The following ENPEP variants were observed in gnomAD, a reference collection of about 807,000 sequenced individuals.
ENPEP encodes AP-A.
ENPEP carries 103 observed loss-of-function variants against 114.5 expected under a neutral mutation model. That is an observed-to-expected ratio of 0.90 (90% confidence interval 0.77 to 1.06). The LOEUF is 1.06. Among genes scored for constraint, ENPEP ranks in the 50% least tolerant of loss-of-function variants. The pLI, the probability that ENPEP is intolerant of heterozygous loss-of-function variation, is 0.00. For missense variants in ENPEP, 1,196 were observed against 1,161.3 expected, an observed-to-expected ratio of 1.03 and a Z score of -0.43; for synonymous variants, 420 against 422.0, an observed-to-expected ratio of 1.00 and a Z score of 0.06.
At position 110,476,181 on chromosome 4, in the gene ENPEP, C is replaced by T. The variant is rs1578386206; in HGVS notation, c.-234C>T. 1.5e-5 allele frequency: 7 copies of T among 467,368 alleles called. No individual in the cohort carries two copies. In the East Asian group the frequency reaches 2.3e-4, roughly 15 times the overall value. 29.0% of individuals were successfully genotyped at this position (467,368 alleles called of 1,614,324 possible). ...CCAGCCCTCTTCCTCCCACTCGGCT[C>T]CTCTTACGGAGTCCTCATTCCACCC... On this transcript the variant is annotated 5_prime_UTR_variant, in exon 1 of 20. Coordinates refer to ENST00000265162, the MANE Select transcript of ENPEP (RefSeq NM_001977.4).
intron 1 of ENPEP, among the ~76,000 whole-genome samples, chr4:110,484,037 C>A (rs60996779): frequency 1.3e-5 from 2 of 152,112 alleles, no homozygotes; most frequent in South Asian, 2.1e-4. Flanking sequence ...AGTGTATATA[C>A]ACCAAGTAAT....
chr4:110,498,383 A>G (rs1021663992), intron 3 of ENPEP, among the ~76,000 whole-genome samples: 4 of 152,150 alleles, frequency 2.6e-5, no homozygotes, highest in Non-Finnish European at 5.9e-5. Flanking sequence ...AAATGGTGCT[A>G]CTTCTGCGGG....
chr4:110,561,880 A>G lies in ENPEP; in HGVS notation c.*322A>G, dbSNP rs1488780891. 2 of 177,130 alleles carry G rather than the reference A, an allele frequency of 1.1e-5. No individual in the cohort carries two copies. Among genetic ancestry groups the G allele is most frequent in the Non-Finnish European group, 2.4e-5 (2 of 84,984 alleles). 11.0% of individuals were successfully genotyped at this position (177,130 alleles called of 1,614,324 possible). On this transcript the variant is annotated 3_prime_UTR_variant, in exon 20 of 20. Transcript: ENST00000265162. The stretch of plus-strand genomic sequence containing the variant: ...TATCTTAAATCTGTGAAGTAGAACA[A>G]TTTGGTCTTAGCTTTACATTTTCAG...
chr4:110,562,172 C>G lies in ENPEP; in HGVS notation c.*614C>G, dbSNP rs766331915. On this transcript the variant is annotated 3_prime_UTR_variant, in exon 20 of 20. Coordinates refer to ENST00000265162, the MANE Select transcript of ENPEP (RefSeq NM_001977.4). ...TTATAAAATCAATAAGAGAACTCTC[C>G]TCTTTTTTTAAAAATAAATCTAAAT... 8.5e-5 allele frequency: 13 copies of G among 152,270 alleles called. No homozygotes were observed. The highest frequency in any genetic ancestry group is 1.8e-4 in the Non-Finnish European group (12 of 68,020). The allele number at this position is 152,270 out of a possible 1,614,324, so 9.4% of individuals were successfully genotyped here.
At chr4:110,478,814 T>C (rs1724206728) in intron 1 of ENPEP, among the ~76,000 whole-genome samples, 1 of 152,256 alleles carries the variant, frequency 6.6e-6, no homozygotes, top group Non-Finnish European at 1.5e-5. Context: ...ATTATATTGT[T>C]GAGCATTTGA....
chr4:110,548,079 T>G (rs1727134534), intron 13 of ENPEP, 97 bp from the exon 14 acceptor site: 2 of 1,290,312 alleles, frequency 1.6e-6, no homozygotes, highest in Non-Finnish European at 2.0e-6. Flanking sequence ...TGGAATGCTT[T>G]GATCGCCAAA....
chr4:110,559,525 G>C, intron 18 of ENPEP, 122 bp from the exon 19 acceptor site: 3 of 696,422 alleles, frequency 4.3e-6, no homozygotes, highest in Non-Finnish European at 7.3e-6. Context: ...TTCTTACTGT[G>C]TTTTGCTTAC....
intron 1 of ENPEP, among the ~76,000 whole-genome samples, chr4:110,477,273 C>T (rs1253565603): frequency 1.3e-5 from 2 of 152,130 alleles, no homozygotes; most frequent in Admixed American, 1.3e-4. Flanking sequence ...GAATGAGCTT[C>T]GTAGAGTCAA....
At chr4:110,478,683 C>T (rs1578387573) in intron 1 of ENPEP, among the ~76,000 whole-genome samples, 1 of 152,322 alleles carries the variant, frequency 6.6e-6, no homozygotes, top group East Asian at 1.9e-4. Context: ...AAGCAATCCT[C>T]CTGCCACCAC....
At chr4:110,499,169 G>T (rs1042132249) in intron 3 of ENPEP, among the ~76,000 whole-genome samples, 17 of 152,120 alleles carry the variant, frequency 1.1e-4, no homozygotes, top group African/African-American at 4.1e-4. Context: ...AAGGAAGTAC[G>T]CACACAGAAA....
At chr4:110,533,743 C>T (rs952303856) in intron 11 of ENPEP, among the ~76,000 whole-genome samples, 3 of 152,184 alleles carry the variant, frequency 2.0e-5, no homozygotes, top group South Asian at 2.1e-4. Flanking sequence ...TTTGTCAATA[C>T]ATTTCACACA....
At chr4:110,539,376 C>G (rs1726764316) in intron 11 of ENPEP, among the ~76,000 whole-genome samples, 1 of 152,096 alleles carries the variant, frequency 6.6e-6, no homozygotes, top group Admixed American at 6.6e-5. Flanking sequence ...GAAAGCATTA[C>G]CATAAATGGA....
chr4:110,561,483 A>T lies in ENPEP; in HGVS notation c.2799A>T (p.Lys933Asn). The T allele has an allele frequency of 6.2e-7, 1 of 1,614,106 alleles. No homozygotes were observed. Among genetic ancestry groups the T allele is most frequent in the Non-Finnish European group, 8.5e-7 (1 of 1,179,972 alleles). ...GGGAACAAGTGCTGGAAACAGTGAA[A>T]AACAATATAGAGTGGCTAAAACAAC... ...KPREQVLETV[K>N]NNIEWLKQHR... is the part of the protein sequence containing the mutation. Residue 933 changes from lysine (K) to asparagine (N), a missense_variant, in exon 20 of 20, where the codon AAA (lysine) becomes AAT (asparagine). Coordinates refer to ENST00000265162, the MANE Select transcript of ENPEP (RefSeq NM_001977.4).
At chr4:110,515,884 C>CAG (rs139525131) in intron 8 of ENPEP, 92 of 439,120 alleles carry the variant, frequency 2.1e-4, no homozygotes, top group Admixed American at 1.0e-3. Context: ...GTCCTCATAG[C>CAG]AGAGAGAGAG....
At chr4:110,509,951 C>A in intron 5 of ENPEP, 144 bp downstream of exon 5, 1 of 1,180,786 alleles carries the variant, frequency 8.5e-7, no homozygotes, top group Non-Finnish European at 1.2e-6. Context: ...TACTAATAAA[C>A]ATTTAGCCAT....
chr4:110,499,321 T>C (rs1423172811), intron 3 of ENPEP, among the ~76,000 whole-genome samples: 3 of 152,356 alleles, frequency 2.0e-5, no homozygotes, highest in East Asian at 3.9e-4. Context: ...GCTGTTGTTA[T>C]ATCTATTTTA....
rs6825262 is a variant in ENPEP at position 110,548,027 on chromosome 4, A to G, written c.2001-149A>G. 1.2e-4 allele frequency: 114 copies of G among 925,188 alleles called. 1 individual carries two copies. The African/African-American group carries it at 1.7e-3, about 14-fold the overall frequency. The allele number at this position is 925,188 out of a possible 1,614,324, so 57.3% of individuals were successfully genotyped here. On this transcript the variant is annotated intron_variant, in intron 13 of 19. Transcript: ENST00000265162. ...TTTTTGATTGGGCTTCAACCAATAA[A>G]TGCAATTTCTTGATTGTTGAATGGA...
chr4:110,502,559 C>T (rs1422064650), intron 3 of ENPEP, among the ~76,000 whole-genome samples: 1 of 152,110 alleles, frequency 6.6e-6, no homozygotes, highest in African/African-American at 2.4e-5. Context: ...TTTCTGTCAA[C>T]TTTGTTGAAG....
intron 8 of ENPEP, among the ~76,000 whole-genome samples, chr4:110,516,152 T>C (rs904556807): frequency 7.2e-5 from 11 of 152,214 alleles, no homozygotes; most frequent in African/African-American, 2.7e-4. Flanking sequence ...ATTATTAGAT[T>C]AGAAAAGATC....
Sources: gnomAD v4.1 joint callset for allele counts (sites outside exome capture counted in the v4.1 genomes callset) on GRCh38, gnomAD v4.1.1 for gene constraint, MANE v1.5 for transcripts, NCBI Gene and HGNC (gene_info 2026-07-23, HGNC 2026-07-21) for gene names.